The following ADAM12 variants were observed in gnomAD, a reference collection of about 807,000 sequenced individuals.
The protein encoded by ADAM12 is disintegrin and metalloproteinase domain-containing protein 12.
A neutral mutation model predicts 106.4 loss-of-function variants in ADAM12; 70 were observed. That is an observed-to-expected ratio of 0.66 (90% CI 0.54 to 0.80). The LOEUF is 0.80. ADAM12 is among the 30% of genes least tolerant of loss of function. The probability of loss-of-function intolerance (pLI) is 0.00; values close to 1 mark genes in which losing one functional copy is unlikely to be tolerated. For synonymous variants in ADAM12, 420 were observed against 433.5 expected (o/e 0.97, Z 0.39); for missense variants, 1,010 against 1,171.9 (o/e 0.86, Z 2.02).
intron 3 of ADAM12, among the ~76,000 whole-genome samples, chr10:126,224,260 C>T (rs1958150267): frequency 6.6e-6 from 1 of 152,172 alleles, no homozygotes; most frequent in African/African-American, 2.4e-5. Flanking sequence ...CTCCTCCATT[C>T]TTAGACAGGT....
chr10:126,223,461 A>G (rs2133856207), intron 3 of ADAM12, among the ~76,000 whole-genome samples: 1 of 152,338 alleles, frequency 6.6e-6, no homozygotes, highest in Non-Finnish European at 1.5e-5. Context: ...TAAAATGAAG[A>G]ACAACCTTCT....
intron 14 of ADAM12, among the ~76,000 whole-genome samples, chr10:126,061,451 G>T (rs1954753995): frequency 6.6e-6 from 1 of 152,164 alleles, no homozygotes; most frequent in Non-Finnish European, 1.5e-5. Context: ...TCCCCTAAAA[G>T]GCCCACATCC....
chr10:126,343,950 A>T (rs1178051637), intron 1 of ADAM12, among the ~76,000 whole-genome samples: 2 of 151,916 alleles, frequency 1.3e-5, no homozygotes, highest in Non-Finnish European at 2.9e-5. Flanking sequence ...GATTGCAAAA[A>T]TTTTCTCCCA....
chr10:126,086,281 C>G (rs891908971), intron 11 of ADAM12, among the ~76,000 whole-genome samples: 1 of 152,058 alleles, frequency 6.6e-6, no homozygotes, highest in Non-Finnish European at 1.5e-5. Flanking sequence ...ATGTGTCAAA[C>G]ACACTGGGAA....
chr10:126,063,775 C>T (rs1252706536), intron 14 of ADAM12, among the ~76,000 whole-genome samples: 1 of 152,212 alleles, frequency 6.6e-6, no homozygotes, highest in Non-Finnish European at 1.5e-5. Context: ...GGCATTGAAT[C>T]TCAAATGGTT....
intron 14 of ADAM12, among the ~76,000 whole-genome samples, chr10:126,058,736 T>C (rs953526063): frequency 1.3e-5 from 2 of 152,220 alleles, no homozygotes; most frequent in African/African-American, 4.8e-5. Context: ...AACAGAGTGC[T>C]TCCCGTGGCT....
chr10:126,254,128 G>C (rs1200242614), intron 3 of ADAM12, among the ~76,000 whole-genome samples: 2 of 152,136 alleles, frequency 1.3e-5, no homozygotes, highest in African/African-American at 2.4e-5. Context: ...TTTCCCTTGG[G>C]AGGCTCCGGA....
chr10:126,195,284 A>C (rs1036895812), intron 3 of ADAM12, among the ~76,000 whole-genome samples: 1 of 152,178 alleles, frequency 6.6e-6, no homozygotes, highest in Non-Finnish European at 1.5e-5. Flanking sequence ...GTGAAATAAT[A>C]CATATGTTGG....
chr10:126,118,633 C>T (rs147838123), intron 5 of ADAM12, among the ~76,000 whole-genome samples: 26 of 152,286 alleles, frequency 1.7e-4, no homozygotes, highest in Non-Finnish European at 2.6e-4. Flanking sequence ...TTTCAATAGC[C>T]TCAGGGGTAC....
intron 2 of ADAM12, among the ~76,000 whole-genome samples, chr10:126,288,222 AC>A (rs145451929): frequency 0.017 from 2,527 of 152,222 alleles, 65 homozygotes; most frequent in African/African-American, 0.057. Context: ...GAGCAGGGAA[AC>A]CCTGGACTTT....
intron 3 of ADAM12, among the ~76,000 whole-genome samples, chr10:126,163,258 T>C (rs572406065): frequency 6.6e-6 from 1 of 152,362 alleles, no homozygotes; most frequent in South Asian, 2.1e-4. Flanking sequence ...TGCTCAGTGC[T>C]GAGAGCTGTT....
chr10:126,120,152 T>C (rs1056476112), intron 5 of ADAM12, among the ~76,000 whole-genome samples: 1 of 152,182 alleles, frequency 6.6e-6, no homozygotes, highest in Admixed American at 6.5e-5. Context: ...AGACTCTTCC[T>C]AGAATAATTC....
intron 11 of ADAM12, among the ~76,000 whole-genome samples, chr10:126,089,015 C>CTCAGTG (rs1182238683): frequency 6.6e-6 from 1 of 152,040 alleles, no homozygotes; most frequent in East Asian, 1.9e-4. Context: ...TTTTCTCATC[C>CTCAGTG]CACATTATCC....
rs139920379 is a variant in ADAM12, at chr10:126,322,130, T to C, written c.186+8282A>G. Among the ~76,000 whole-genome samples, 672 of 152,358 alleles carry C rather than the reference T, an allele frequency of 4.4e-3. 5 individuals carry two copies. The highest frequency in any genetic ancestry group is 0.015 in the Admixed American group (236 of 15,308). On this transcript the variant is annotated intron_variant, in intron 2 of 22. Transcript: ENST00000448723. ...GATTTTTCATGACACATGAAAATGATACTAAATTCAAATTTCAACGTCCAG... is the reference window on the plus strand; with the variant it reads ...GATTTTTCATGACACATGAAAATGACACTAAATTCAAATTTCAACGTCCAG...
chr10:126,178,016 C>G (rs761588070), intron 3 of ADAM12, among the ~76,000 whole-genome samples: 33 of 152,052 alleles, frequency 2.2e-4, no homozygotes, highest in Non-Finnish European at 4.7e-4. Flanking sequence ...GTCTCTAACT[C>G]AATTTTGGAA....
At chr10:126,129,280 G>A (rs1676700) in intron 5 of ADAM12, among the ~76,000 whole-genome samples, 95,899 of 151,660 alleles carry the variant, frequency 0.63, 30,575 homozygotes, top group East Asian at 0.76. Context: ...AAATTAGAGA[G>A]AGACAACCTT....
At chr10:126,224,799 A>C (rs1195220664) in intron 3 of ADAM12, among the ~76,000 whole-genome samples, 1 of 152,198 alleles carries the variant, frequency 6.6e-6, no homozygotes, top group Non-Finnish European at 1.5e-5. Flanking sequence ...GGGACACAGG[A>C]GAGGGGCGTG....
chr10:126,365,658 T>A (rs1453545051), intron 1 of ADAM12, among the ~76,000 whole-genome samples: 1 of 152,090 alleles, frequency 6.6e-6, no homozygotes, highest in Non-Finnish European at 1.5e-5. Context: ...TATAAAACCA[T>A]CAAATCTCAT....
At chr10:126,330,373 T>C (rs1396247670) in intron 2 of ADAM12, 39 bp downstream of exon 2, 1 of 1,545,716 alleles carries the variant, frequency 6.5e-7, no homozygotes, top group Non-Finnish European at 8.9e-7. Context: ...ATTTAAAAGC[T>C]TCGGCAGTCT....
Sources: allele counts gnomAD v4.1 joint callset (sites outside exome capture counted in the v4.1 genomes callset), GRCh38; gene constraint gnomAD v4.1.1; transcripts MANE v1.5; gene names NCBI Gene and HGNC (gene_info 2026-07-23, HGNC 2026-07-21).